The following KIF22 variants were observed in gnomAD, a reference collection of about 807,000 sequenced individuals.
KIF22 encodes the protein kinesin-like protein KIF22.
In KIF22, 62 loss-of-function variants were observed where a neutral mutation model predicts 73.0. The observed-to-expected ratio is 0.85, with a 90% CI of 0.69 to 1.05. The LOEUF (loss-of-function observed/expected upper bound fraction) is 1.05. Among genes scored for constraint, KIF22 ranks in the 50% least tolerant of loss-of-function variants. KIF22 has a pLI of 0.00. For missense variants in KIF22, 854 were observed against 870.1 expected, an observed-to-expected ratio of 0.98 and a Z score of 0.23; for synonymous variants, 411 against 340.1, an observed-to-expected ratio of 1.21 and a Z score of -2.29.
rs767651143 is a variant in KIF22, at chr16:29,797,074, G to T, written c.252G>T (p.Glu84Asp). The change falls in exon 2 of 14, where the codon GAG (glutamate) becomes GAT (aspartate). Residue 84 changes from glutamate (E) to aspartate (D), a missense_variant. This residue lies in a region of KIF22 where 186 missense variants were observed against 152.9 expected (regional missense o/e 1.22). Coordinates refer to ENST00000160827, the MANE Select transcript of KIF22 (RefSeq NM_007317.3). This position sits in a 1 kb window ranked among gnomAD's most constrained non-coding sequence, Gnocchi z 4.1. ...LEIANWRNHQ[E>D]TLKYQFDAFY... Reference sequence around the variant, plus strand: ...TTGCTAACTGGAGGAACCACCAGGAGACTCTCAAATACCAGTAAGGTTCAG... The same window carrying T: ...TTGCTAACTGGAGGAACCACCAGGATACTCTCAAATACCAGTAAGGTTCAG... 2 of 1,592,076 alleles carry T rather than the reference G, an allele frequency of 1.3e-6. No homozygotes were observed. Among genetic ancestry groups the T allele is most frequent in the South Asian group, 1.1e-5 (1 of 88,252 alleles).
chr16:29,791,069 C>G, intron 1 of KIF22: 1 of 1,394,652 alleles, frequency 7.2e-7, no homozygotes, highest in Non-Finnish European at 9.3e-7. Context: ...GGTCCAGGCT[C>G]TTGGCTTGAA....
intron 1 of KIF22, 154 bp downstream of exon 1, chr16:29,790,983 G>C: frequency 6.8e-7 from 1 of 1,464,700 alleles, no homozygotes; most frequent in Non-Finnish European, 9.1e-7. Flanking sequence ...GTGGGGTCGC[G>C]AGCCGGTCGC....
At chr16:29,801,193 A>G (rs977066688) in intron 8 of KIF22, among the ~76,000 whole-genome samples, 1 of 151,998 alleles carries the variant, frequency 6.6e-6, no homozygotes, top group Non-Finnish European at 1.5e-5. Context: ...CCCAACTCCA[A>G]TCACCCCACC....
At chr16:29,796,284 A>AAACACAC (rs1410758267) in intron 1 of KIF22, among the ~76,000 whole-genome samples, 1 of 146,614 alleles carries the variant, frequency 6.8e-6, no homozygotes, top group Non-Finnish European at 1.5e-5. Context: ...AAAAAAAAAA[A>AAACACAC]ACACACACAC....
intron 1 of KIF22, among the ~76,000 whole-genome samples, 188 bp from the exon 2 acceptor site, chr16:29,796,705 C>T (rs1898960944): frequency 6.6e-6 from 1 of 152,168 alleles, no homozygotes; most frequent in African/African-American, 2.4e-5. Context: ...GCCTGCTATA[C>T]ACCTGCTGCA....
intron 12 of KIF22, 22 bp from the exon 13 acceptor site, chr16:29,805,093 C>G (rs556561378): frequency 6.2e-6 from 10 of 1,613,200 alleles, no homozygotes; most frequent in Non-Finnish European, 8.5e-6. Flanking sequence ...GACCCTGTCC[C>G]CTATCGATCC....
At chr16:29,795,911 T>G (rs1016988145) in intron 1 of KIF22, among the ~76,000 whole-genome samples, 3 of 152,096 alleles carry the variant, frequency 2.0e-5, no homozygotes, top group Admixed American at 2.0e-4. Flanking sequence ...CATTAACAGT[T>G]TGCAGGGGTG....
chr16:29,801,166 T>C (rs759579100), intron 8 of KIF22, among the ~76,000 whole-genome samples: 2 of 152,126 alleles, frequency 1.3e-5, no homozygotes, highest in Non-Finnish European at 1.5e-5. Flanking sequence ...AACTAAGTCC[T>C]TTGTGTCACC....
At chr16:29,799,518 A>G in intron 6 of KIF22, 24 bp downstream of exon 6, 1 of 1,613,352 alleles carries the variant, frequency 6.2e-7, no homozygotes, top group Middle Eastern at 1.6e-4. Context: ...GTCTCAGGGA[A>G]GAAGGGGCTG....
intron 9 of KIF22, 110 bp from the exon 10 acceptor site, chr16:29,803,339 G>C (rs958145594): frequency 9.7e-6 from 13 of 1,340,382 alleles, no homozygotes; most frequent in Admixed American, 4.6e-5. Flanking sequence ...ACTGGTCCTA[G>C]CCCTGCCCTC....
chr16:29,804,565 G>T (rs1369848761), intron 11 of KIF22: 1 of 684,056 alleles, frequency 1.5e-6, no homozygotes, highest in Admixed American at 2.0e-5. Context: ...TAACTCACTT[G>T]ATCTCCACAG....
chr16:29,798,984 C>T lies in KIF22; in HGVS notation c.559C>T (p.Leu187Phe). 6.2e-7 allele frequency: 1 copy of T among 1,614,180 alleles called. No homozygotes were observed. Among genetic ancestry groups the T allele is most frequent in the Non-Finnish European group, 8.5e-7 (1 of 1,180,008 alleles). ...LEIYQEKVLD[L>F]LDPASGDLVI... is the part of the protein sequence containing the mutation. ...TTCACTGCTTACACAGGTATTAGAC[C>T]TCCTGGACCCTGCTTCGGGAGACCT... Residue 187 changes from leucine to phenylalanine, a missense_variant, in exon 5 of 14, where the codon CTC becomes TTC. Coordinates refer to ENST00000160827, the MANE Select transcript of KIF22 (RefSeq NM_007317.3). This position sits in a 1 kb window ranked among gnomAD's most constrained non-coding sequence, Gnocchi z 4.1.
chr16:29,792,431 T>G, intron 1 of KIF22: 1 of 984,346 alleles, frequency 1.0e-6, no homozygotes, highest in Non-Finnish European at 1.2e-6. Context: ...AGCCAGTGAT[T>G]AGTAGTTTAT....
At chr16:29,792,410 G>A (rs906930792) in intron 1 of KIF22, 4 of 985,186 alleles carry the variant, frequency 4.1e-6, no homozygotes, top group South Asian at 4.7e-5. Flanking sequence ...TTTTCATGAT[G>A]GAAATGAACA....
At position 29,803,269 on chromosome 16, in the gene KIF22, C is replaced by T. The variant is rs1899204287; in HGVS notation, c.1450-180C>T. Reference sequence around the variant, plus strand: ...GAGGCTTGTTCCACCTCTGGGTAGCCCCCTAATCACAGAAAGCCCTTAATT... The same window carrying T: ...GAGGCTTGTTCCACCTCTGGGTAGCTCCCTAATCACAGAAAGCCCTTAATT... On this transcript the variant is annotated intron_variant, in intron 9 of 13. Coordinates refer to ENST00000160827, the MANE Select transcript of KIF22 (RefSeq NM_007317.3). 8 of 690,688 alleles carry T rather than the reference C, an allele frequency of 1.2e-5. No homozygotes were observed. In the South Asian group the frequency reaches 1.6e-4, roughly 14 times the overall value. The allele number at this position is 690,688 out of a possible 1,614,324, so 42.8% of individuals were successfully genotyped here.
At chr16:29,802,053 GC>G (rs1899154236) in intron 8 of KIF22, among the ~76,000 whole-genome samples, 1 of 151,982 alleles carries the variant, frequency 6.6e-6, no homozygotes, top group Non-Finnish European at 1.5e-5. Context: ...GATCACTTGA[GC>G]CCAGGAGTTC....
In KIF22 at chr16:29,797,385, G is replaced by A. The variant is rs1391695906; in HGVS notation, c.266+297G>A. Among the ~76,000 whole-genome samples the A allele has an allele frequency of 6.6e-6, 1 of 152,108 alleles. No homozygotes were observed. The highest frequency in any genetic ancestry group is 1.5e-5 in the Non-Finnish European group (1 of 68,018). On this transcript the variant is annotated intron_variant, in intron 2 of 13. Coordinates refer to ENST00000160827, the MANE Select transcript of KIF22 (RefSeq NM_007317.3). This position sits in a 1 kb window ranked among gnomAD's most constrained non-coding sequence, Gnocchi z 4.1. ...GGCTGGGGGACATATCAGGAGGGTT[G>A]GCGGAACACAGACCTGCCAGCCAGC...
At chr16:29,791,632 T>G (rs1275515434) in intron 1 of KIF22, among the ~76,000 whole-genome samples, 1 of 152,226 alleles carries the variant, frequency 6.6e-6, no homozygotes, top group Admixed American at 6.5e-5. Flanking sequence ...GGCACAGTTG[T>G]AGGCATTTTA....
In KIF22 at chr16:29,797,539, C is replaced by T. The variant is rs192267392; in HGVS notation, c.266+451C>T. 6.6e-6 allele frequency among the ~76,000 whole-genome samples: 1 copy of T among 152,224 alleles called. No homozygotes were observed. The highest frequency in any genetic ancestry group is 1.9e-4 in the East Asian group (1 of 5,184). On this transcript the variant is annotated intron_variant, in intron 2 of 13. Coordinates refer to ENST00000160827, the MANE Select transcript of KIF22 (RefSeq NM_007317.3). This position sits in a 1 kb window ranked among gnomAD's most constrained non-coding sequence, Gnocchi z 4.1. Reference sequence around the variant, plus strand: ...AAACTCCTTGGCCTGTTTTTCTAGGCGGGGGCTGGCAAACCATGGCCTGCA... The same window carrying T: ...AAACTCCTTGGCCTGTTTTTCTAGGTGGGGGCTGGCAAACCATGGCCTGCA...
Sources: allele counts gnomAD v4.1 joint callset (sites outside exome capture counted in the v4.1 genomes callset), GRCh38; gene constraint gnomAD v4.1.1; regional missense constraint gnomAD v4.1.1; non-coding constraint Gnocchi (gnomAD v3.1); transcripts MANE v1.5; gene names NCBI Gene and HGNC (gene_info 2026-07-23, HGNC 2026-07-21).